The following KDM2B variants were observed in gnomAD, a reference collection of about 807,000 sequenced individuals.
KDM2B encodes lysine-specific demethylase 2B.
KDM2B carries 26 observed loss-of-function variants against 150.0 expected under a neutral mutation model. The ratio of observed to expected loss-of-function variants is 0.17; its 90% CI spans 0.13 to 0.24. The LOEUF is 0.24. Ranked by LOEUF, KDM2B falls within the 10% of genes least tolerant of loss-of-function variation. The pLI, the probability that KDM2B is intolerant of heterozygous loss-of-function variation, is 1.00. For missense variants in KDM2B, 1,265 were observed against 1,816.9 expected (o/e 0.70, Z 5.52); for synonymous variants, 734 against 729.5 (o/e 1.01, Z -0.10).
At chr12:121,547,268 C>G (rs913931761) in intron 6 of KDM2B, among the ~76,000 whole-genome samples, 13 of 152,228 alleles carry the variant, frequency 8.5e-5, no homozygotes, top group African/African-American at 2.7e-4. Context: ...GCTCCCTCCC[C>G]ACCTCGAGCC....
intron 12 of KDM2B, among the ~76,000 whole-genome samples, chr12:121,470,955 AG>A (rs1880708842): frequency 6.6e-6 from 1 of 152,220 alleles, no homozygotes; most frequent in Non-Finnish European, 1.5e-5. Context: ...AACACTAGGA[AG>A]GCCACTGTCC....
intron 6 of KDM2B, among the ~76,000 whole-genome samples, chr12:121,538,271 A>C (rs28405771): frequency 0.13 from 19,891 of 151,718 alleles, 2,772 homozygotes; most frequent in African/African-American, 0.35. Context: ...CACCCCCCTG[A>C]GCCCCGTGTT....
At position 121,578,817 on chromosome 12, in the gene KDM2B, C is replaced by T. The variant is rs782471030; in HGVS notation, c.256G>A (p.Ala86Thr). The change falls in exon 2 of 23, where the codon GCC becomes ACC. Residue 86 changes from alanine (A) to threonine (T), a missense_variant. Coordinates refer to ENST00000377071, the MANE Select transcript of KDM2B (RefSeq NM_032590.5). Reference sequence around the variant, plus strand: ...GGCGCCTCACCTTTGCCCTCCATGGCGTGCACGAAGTCCCCCTGGTACAGC... The same window carrying T: ...GGCGCCTCACCTTTGCCCTCCATGGTGTGCACGAAGTCCCCCTGGTACAGC... ...SQLYQGDFVH[A>T]MEGKDFNYEY... is the part of the protein sequence containing the mutation. 1.4e-4 allele frequency: 224 copies of T among 1,588,932 alleles called. 2 individuals are homozygous for T. The highest frequency in any genetic ancestry group is 1.4e-5 in the Non-Finnish European group (16 of 1,166,774).
Position 121,441,244 on chromosome 12 carries a change from G to T in KDM2B, c.3285-11C>A. The T allele has an allele frequency of 6.2e-7, 1 of 1,612,442 alleles. No individual in the cohort carries two copies. On this transcript the variant is annotated splice_polypyrimidine_tract_variant and intron_variant, in intron 19 of 22. Coordinates refer to ENST00000377071, the MANE Select transcript of KDM2B (RefSeq NM_032590.5). The stretch of plus-strand genomic sequence containing the variant: ...CGCTTATCGCAGCACCTGGGGACCG[G>T]CCCCGTGGGGACACATCGTCAGAGG...
Position 121,441,239 on chromosome 12 carries a change from G to A in KDM2B, c.3285-6C>T, listed in dbSNP as rs1874966058. 1.9e-6 allele frequency: 3 copies of A among 1,613,102 alleles called. No homozygotes were observed. The highest frequency in any genetic ancestry group is 1.7e-6 in the Non-Finnish European group (2 of 1,179,440). ...ACAACCGCTTATCGCAGCACCTGGG[G>A]ACCGGCCCCGTGGGGACACATCGTC... On this transcript the variant is annotated splice_polypyrimidine_tract_variant and splice_region_variant and intron_variant, in intron 19 of 22. Coordinates refer to ENST00000377071, the MANE Select transcript of KDM2B (RefSeq NM_032590.5).
rs60048517 is a variant in KDM2B, at chr12:121,539,326, CAAAAAAAAAAAAAAAAA to C, written c.684-4753_684-4737del. Among the ~76,000 whole-genome samples the C allele has an allele frequency of 2.6e-4, 15 of 58,616 alleles. No homozygotes were observed. The East Asian group carries it at 6.9e-3, about 27-fold the overall frequency. The allele number at this position is 58,616 out of a possible 152,430, so 38.5% of individuals were successfully genotyped here. A position where few individuals can be genotyped will look rare whatever the true frequency, so the allele number is the denominator to read the frequency against. ...CCGGGTGACATAGGAGACCCTCTCC[CAAAAAAAAAAAAAAAAA>C]AAAAAAAAAAAAGAAAGAAAAGGAT... On this transcript the variant is annotated intron_variant, in intron 6 of 22. Coordinates refer to ENST00000377071, the MANE Select transcript of KDM2B (RefSeq NM_032590.5).
In KDM2B at chr12:121,520,417, T is replaced by A. The variant is rs565465902; in HGVS notation, c.1047+568A>T. ...GTCTGGGAAACTAGCACCGTCCCTG[T>A]CAAGGGCAGAGAAAAGCCTCGGCCC... On this transcript the variant is annotated intron_variant, in intron 9 of 22. Transcript: ENST00000377071. This position sits in a 1 kb window ranked among gnomAD's most constrained non-coding sequence, Gnocchi z 4.5. Among the ~76,000 whole-genome samples, 1 of 152,122 alleles carries A rather than the reference T, an allele frequency of 6.6e-6. No homozygotes were observed. The highest frequency in any genetic ancestry group is 2.4e-5 in the African/African-American group (1 of 41,490).
intron 4 of KDM2B, among the ~76,000 whole-genome samples, chr12:121,568,681 G>A (rs781783291): frequency 5.9e-5 from 9 of 152,156 alleles, no homozygotes; most frequent in Non-Finnish European, 7.3e-5. Context: ...TAGCAGTGGA[G>A]GGCGGAGACT....
intron 13 of KDM2B, among the ~76,000 whole-genome samples, chr12:121,448,810 G>A (rs1555290937): frequency 6.6e-6 from 1 of 152,214 alleles, no homozygotes; most frequent in African/African-American, 2.4e-5. Context: ...CAGGAGCGAG[G>A]GAGATGGCTG....
At position 121,442,356 on chromosome 12, in the gene KDM2B, A is replaced by C; in HGVS notation, c.3085T>G (p.Ser1029Ala). 2 of 972,194 alleles carry C rather than the reference A, an allele frequency of 2.1e-6. No individual in the cohort carries two copies. The highest frequency in any genetic ancestry group is 2.8e-6 in the Non-Finnish European group (2 of 705,360). 60.2% of individuals were successfully genotyped at this position (972,194 alleles called of 1,614,324 possible). A position where few individuals can be genotyped will look rare whatever the true frequency, so the allele number is the denominator to read the frequency against. The change falls in exon 19 of 23, where the codon TCC (serine) becomes GCC (alanine). Residue 1029 changes from serine to alanine, a missense_variant. Around this residue, in one of 11 missense-constraint regions of KDM2B, gnomAD observed 418 missense variants for 402.4 expected, o/e 1.04. Coordinates refer to ENST00000377071, the MANE Select transcript of KDM2B (RefSeq NM_032590.5). The surrounding 1 kb of genome is among the most constrained non-coding windows in gnomAD (Gnocchi z 7.7). ...PPRVISRPPP[S>A]VSPPKCIQME... ...TGGATACACTTGGGCGGGGACACGGAGGGTGGGGGCCGGGAGATGACACGG... is the reference window on the plus strand; with the variant it reads ...TGGATACACTTGGGCGGGGACACGGCGGGTGGGGGCCGGGAGATGACACGG...
At chr12:121,505,464 C>T (rs559577391) in intron 11 of KDM2B, among the ~76,000 whole-genome samples, 6 of 152,136 alleles carry the variant, frequency 3.9e-5, no homozygotes, top group Admixed American at 1.3e-4. Context: ...CACAGCGAGA[C>T]CTCTGTCTCT....
At chr12:121,454,335 G>C (rs190776239) in intron 12 of KDM2B, among the ~76,000 whole-genome samples, 1 of 152,312 alleles carries the variant, frequency 6.6e-6, no homozygotes, top group Admixed American at 6.5e-5. Flanking sequence ...TGACTACTCA[G>C]ATCTTCCCTA....
intron 8 of KDM2B, among the ~76,000 whole-genome samples, chr12:121,522,007 G>A (rs1425159385): frequency 6.6e-6 from 1 of 152,170 alleles, no homozygotes; most frequent in African/African-American, 2.4e-5. Flanking sequence ...TACTCAGGAG[G>A]CTGAGGTGGG....
chr12:121,525,983 G>A (rs1168593402), intron 8 of KDM2B, among the ~76,000 whole-genome samples: 1 of 152,206 alleles, frequency 6.6e-6, no homozygotes, highest in Admixed American at 6.5e-5. Flanking sequence ...GCTGCTCTCA[G>A]GAGGGAGGGG....
At chr12:121,510,553 G>A (rs1004806057) in intron 10 of KDM2B, among the ~76,000 whole-genome samples, 5 of 152,174 alleles carry the variant, frequency 3.3e-5, no homozygotes, top group African/African-American at 9.7e-5. Context: ...TACACTTTGA[G>A]GGGCCTAGGC....
intron 14 of KDM2B, 55 bp from the exon 15 acceptor site, chr12:121,444,591 G>T (rs530642972): frequency 6.9e-7 from 1 of 1,458,318 alleles, no homozygotes; most frequent in Non-Finnish European, 9.6e-7. Context: ...TGGCCCACGG[G>T]CACAAGGCTC....
At chr12:121,493,408 T>A (rs6489815) in intron 12 of KDM2B, among the ~76,000 whole-genome samples, 32,543 of 151,906 alleles carry the variant, frequency 0.21, 6,188 homozygotes, top group African/African-American at 0.51. Context: ...ATCTTTATAA[T>A]CAAGGAAAGT....
chr12:121,414,087 A>G, the KDM2B span, among the ~76,000 whole-genome samples: 1 of 152,308 alleles, frequency 6.6e-6, no homozygotes, highest in Admixed American at 6.5e-5. Flanking sequence ...TGCCTTTTGC[A>G]TTTTAAGGTT....
At chr12:121,539,326 CAAAAAAAAAAAAAAAA>C (rs60048517) in intron 6 of KDM2B, among the ~76,000 whole-genome samples, 7 of 58,594 alleles carry the variant, frequency 1.2e-4, no homozygotes, top group African/African-American at 2.7e-4. Context: ...GACCCTCTCC[CAAAAAAAAAAAAAAAA>C]AAAAAAAAAA....
Sources: gnomAD v4.1 joint callset for allele counts (sites outside exome capture counted in the v4.1 genomes callset) on GRCh38, gnomAD v4.1.1 for gene constraint, gnomAD v4.1.1 regional missense constraint, Gnocchi (gnomAD v3.1) non-coding constraint, MANE v1.5 for transcripts, NCBI Gene and HGNC (gene_info 2026-07-23, HGNC 2026-07-21) for gene names.